The following CLIP1 variants were observed in gnomAD, a reference collection of about 807,000 sequenced individuals.
CLIP1 encodes the protein CAP-Gly domain-containing linker protein 1.
A neutral mutation model predicts 161.6 loss-of-function variants in CLIP1; 66 were observed. The ratio of observed to expected loss-of-function variants is 0.41; its 90% confidence interval spans 0.33 to 0.50. The LOEUF is 0.50. CLIP1 is among the 20% of genes least tolerant of loss of function. CLIP1 has a pLI of 0.27. For synonymous variants in CLIP1, 598 were observed against 626.2 expected (o/e 0.96, Z 0.67); for missense variants, 1,376 against 1,702.0 (o/e 0.81, Z 3.37).
chr12:122,281,945 T>C (rs1272144234), intron 21 of CLIP1, among the ~76,000 whole-genome samples: 1 of 152,206 alleles, frequency 6.6e-6, no homozygotes, highest in Non-Finnish European at 1.5e-5. Flanking sequence ...AGATGCTTAG[T>C]GCTGGGGAGG....
rs1004887569 is a variant in CLIP1 at position 122,328,270 on chromosome 12, C to T, written c.3024G>A (p.Leu1008=). The T allele has an allele frequency of 1.2e-6, 2 of 1,613,920 alleles. No individual in the cohort carries two copies. Among genetic ancestry groups the T allele is most frequent in the African/African-American group, 2.7e-5 (2 of 74,920 alleles). Residue 1008 remains leucine (L), a synonymous_variant, in exon 16 of 26, where the codon TTG becomes TTA. Coordinates refer to ENST00000620786, the MANE Select transcript of CLIP1 (RefSeq NM_001247997.2). ...EEEKKELERK[L]SDLEKKMETS... ...CTGAGTATCTCCTTACCAGGTCCGA[C>T]AATTTCCTCTCCAATTCTTTCTTTT...
At chr12:122,419,746 G>T (rs1743675775) in intron 1 of CLIP1, among the ~76,000 whole-genome samples, 1 of 151,668 alleles carries the variant, frequency 6.6e-6, no homozygotes, top group African/African-American at 2.4e-5. Context: ...GACCAGCCTG[G>T]CCAACATCGT....
rs761199333 is a variant in CLIP1 at position 122,328,316 on chromosome 12, G to C, written c.2978C>G (p.Ala993Gly). ...CTTTTCTTCCTCATGCTTTTTAGCT[G>C]CTTCTTGCTGGCTCTGTTCAGCTTT... ...TVKAEQSQQE[A>G]AKKHEEEKKE... Residue 993 changes from alanine to glycine, a missense_variant, in exon 16 of 26, where the codon GCA becomes GGA. Coordinates refer to ENST00000620786, the MANE Select transcript of CLIP1 (RefSeq NM_001247997.2). The C allele has an allele frequency of 7.4e-6, 12 of 1,613,990 alleles. No homozygotes were observed. The East Asian group carries it at 2.7e-4, about 36-fold the overall frequency.
chr12:122,374,612 A>C (rs1279182509), intron 3 of CLIP1, among the ~76,000 whole-genome samples: 2 of 152,134 alleles, frequency 1.3e-5, no homozygotes, highest in East Asian at 3.8e-4. Context: ...AAATACAAAA[A>C]GTAGCTGGGC....
chr12:122,288,555 AC>A lies in CLIP1; in HGVS notation c.3595-15del. The A allele has an allele frequency of 6.2e-7, 1 of 1,603,478 alleles. No individual in the cohort carries two copies. The highest frequency in any genetic ancestry group is 8.5e-7 in the Non-Finnish European group (1 of 1,179,096). Reference sequence around the variant, plus strand: ...TTCTTCTTCCAGCTAGGAAAAAAACACAAAAAACTTCAGTTCATAACCAGGC... The same window carrying A: ...TTCTTCTTCCAGCTAGGAAAAAAACAAAAAAACTTCAGTTCATAACCAGGC... On this transcript the variant is annotated splice_polypyrimidine_tract_variant and intron_variant, in intron 20 of 25. Coordinates refer to ENST00000620786, the MANE Select transcript of CLIP1 (RefSeq NM_001247997.2).
intron 21 of CLIP1, among the ~76,000 whole-genome samples, chr12:122,282,749 C>CA (rs1300194839): frequency 3.3e-5 from 5 of 151,578 alleles, no homozygotes; most frequent in African/African-American, 9.7e-5. Context: ...CAAAGGCAGC[C>CA]AAAAAATATA....
chr12:122,422,010 G>A (rs1217895634), intron 1 of CLIP1, among the ~76,000 whole-genome samples: 1 of 152,192 alleles, frequency 6.6e-6, no homozygotes, highest in African/African-American at 2.4e-5. Flanking sequence ...GGCAGCGGGG[G>A]AGGCCGGGCC....
At chr12:122,296,463 A>G (rs1593002676) in intron 20 of CLIP1, among the ~76,000 whole-genome samples, 1 of 152,238 alleles carries the variant, frequency 6.6e-6, no homozygotes, top group Non-Finnish European at 1.5e-5. Context: ...ATATGCTGGT[A>G]TATACACGAG....
chr12:122,331,025 T>A (rs182098985), intron 15 of CLIP1, among the ~76,000 whole-genome samples: 1,798 of 152,044 alleles, frequency 0.012, 29 homozygotes, highest in African/African-American at 0.031. Flanking sequence ...TTATTTATTT[T>A]TTTTTTGAGA....
intron 20 of CLIP1, among the ~76,000 whole-genome samples, chr12:122,296,135 G>T (rs1950460546): frequency 1.3e-5 from 2 of 152,222 alleles, no homozygotes; most frequent in Non-Finnish European, 1.5e-5. Flanking sequence ...ATACTGTTTT[G>T]ATTCCATTTA....
intron 20 of CLIP1, among the ~76,000 whole-genome samples, chr12:122,306,195 T>TTCCTTGGTCCTCAGCTTGCAGATGGCC (rs1476400647): frequency 3.3e-5 from 5 of 152,000 alleles, no homozygotes; most frequent in Non-Finnish European, 7.4e-5. Flanking sequence ...TCGAACTGGC[T>TTCCTTGGTCCTCAGCTTGCAGATGGCC]TCCTTGGTCC....
intron 20 of CLIP1, among the ~76,000 whole-genome samples, chr12:122,290,096 T>C (rs914993766): frequency 2.0e-5 from 3 of 152,212 alleles, no homozygotes; most frequent in East Asian, 1.9e-4. Flanking sequence ...CCAAAGATTA[T>C]GTAATGGCTT....
intron 19 of CLIP1, among the ~76,000 whole-genome samples, chr12:122,312,740 G>A (rs1054474454): frequency 3.3e-5 from 5 of 152,122 alleles, no homozygotes; most frequent in African/African-American, 1.2e-4. Flanking sequence ...ACTCTAGCTA[G>A]GGCAACAGAG....
At chr12:122,418,222 G>A (rs950754319) in intron 1 of CLIP1, among the ~76,000 whole-genome samples, 1 of 151,944 alleles carries the variant, frequency 6.6e-6, no homozygotes, top group Non-Finnish European at 1.5e-5. Context: ...CCTGGCACAC[G>A]GTACATGCTC....
Position 122,334,668 on chromosome 12 carries a change from G to C in CLIP1, c.2606C>G (p.Ser869Cys), listed in dbSNP as rs1952132256. The stretch of plus-strand genomic sequence containing the variant: ...CATACCTTGCATACTTCTCTGAACA[G>C]AGACTGCCTCCTCTGAAGCTTCAGC... ...KFAEASEEAV[S>C]VQRSMQETVN... Residue 869 changes from serine to cysteine, a missense_variant, in exon 13 of 26, where the codon TCT (serine) becomes TGT (cysteine). Ser to Cys is a moderately radical substitution (Grantham distance 112). This residue lies in a region of CLIP1 where 948 missense variants were observed against 1,134.8 expected (regional missense o/e 0.84). Transcript: ENST00000620786. 1 of 1,588,276 alleles carries C rather than the reference G, an allele frequency of 6.3e-7. No individual in the cohort carries two copies. Among genetic ancestry groups the C allele is most frequent in the South Asian group, 1.1e-5 (1 of 87,392 alleles).
chr12:122,289,187 T>C lies in CLIP1; in HGVS notation c.3595-646A>G, dbSNP rs574725089. Among the ~76,000 whole-genome samples the C allele has an allele frequency of 1.1e-4, 16 of 151,188 alleles. No individual in the cohort carries two copies. The South Asian group carries it at 1.3e-3, about 12-fold the overall frequency. ...TGGCTCACACCTGTAATCTCAGCACTTTGGTGGGGCAAGATGGGCGGATCA... is the reference window on the plus strand; with the variant it reads ...TGGCTCACACCTGTAATCTCAGCACCTTGGTGGGGCAAGATGGGCGGATCA... On this transcript the variant is annotated intron_variant, in intron 20 of 25. Coordinates refer to ENST00000620786, the MANE Select transcript of CLIP1 (RefSeq NM_001247997.2).
chr12:122,291,958 C>T lies in CLIP1; in HGVS notation c.3595-3417G>A, dbSNP rs368721638. 5.9e-5 allele frequency among the ~76,000 whole-genome samples: 9 copies of T among 152,136 alleles called. No individual in the cohort carries two copies. In the East Asian group the frequency reaches 1.5e-3, roughly 26 times the overall value. ...ATTCCAACCATTAAATATTAGTTGGCCTTCTACCATGAGAAAGGGCTTTCA... is the reference window on the plus strand; with the variant it reads ...ATTCCAACCATTAAATATTAGTTGGTCTTCTACCATGAGAAAGGGCTTTCA... On this transcript the variant is annotated intron_variant, in intron 20 of 25. Coordinates refer to ENST00000620786, the MANE Select transcript of CLIP1 (RefSeq NM_001247997.2).
intron 1 of CLIP1, among the ~76,000 whole-genome samples, chr12:122,389,076 G>C (rs2136941709): frequency 6.6e-6 from 1 of 152,236 alleles, no homozygotes; most frequent in Middle Eastern, 3.4e-3. Flanking sequence ...GTCTTCAGGT[G>C]CTGAAACTTG....
chr12:122,358,458 A>G (rs1264239352), intron 5 of CLIP1, among the ~76,000 whole-genome samples: 1 of 7,536 alleles, frequency 1.3e-4, no homozygotes, highest in Non-Finnish European at 2.3e-4. Flanking sequence ...AAGAAAAAAG[A>G]AAAAAAAAAC....
Sources: gnomAD v4.1 joint callset for allele counts (sites outside exome capture counted in the v4.1 genomes callset) on GRCh38, gnomAD v4.1.1 for gene constraint, gnomAD v4.1.1 regional missense constraint, MANE v1.5 for transcripts, NCBI Gene and HGNC (gene_info 2026-07-23, HGNC 2026-07-21) for gene names.